Variants in ADGRL2 observed in about 807,000 individuals in gnomAD.
ADGRL2 encodes adhesion G protein-coupled receptor L2, also known as calcium-independent alpha-latrotoxin receptor 2.
A neutral mutation model predicts 157.4 loss-of-function variants in ADGRL2; 44 were observed. The observed-to-expected ratio is 0.28, with a 90% CI of 0.22 to 0.36. The LOEUF (loss-of-function observed/expected upper bound fraction) is 0.36, where lower values mean the gene tolerates loss of function less well. Ranked by LOEUF, ADGRL2 falls within the 10% of genes least tolerant of loss-of-function variation. ADGRL2 has a pLI of 1.00. For missense variants in ADGRL2, 1,510 were observed against 1,768.9 expected, an observed-to-expected ratio of 0.85 and a Z score of 2.63; for synonymous variants, 585 against 624.7, an observed-to-expected ratio of 0.94 and a Z score of 0.95.
At chr1:81,705,777 A>C (rs2149051695) in intron 1 of ADGRL2, among the ~76,000 whole-genome samples, 1 of 152,160 alleles carries the variant, frequency 6.6e-6, no homozygotes, top group Admixed American at 6.5e-5. Flanking sequence ...TTAGATAAAC[A>C]TGGTGGTAGT....
At chr1:81,317,222 G>A (rs1264060255) in intron 1 of ADGRL2, among the ~76,000 whole-genome samples, 3 of 152,174 alleles carry the variant, frequency 2.0e-5, no homozygotes, top group Non-Finnish European at 1.5e-5. Flanking sequence ...CAAAATGTCA[G>A]TAGTACCAAG....
At chr1:81,395,195 T>A (rs2076634005) in intron 1 of ADGRL2, among the ~76,000 whole-genome samples, 1 of 152,130 alleles carries the variant, frequency 6.6e-6, no homozygotes, top group South Asian at 2.1e-4. Context: ...ACAGGTGTGA[T>A]ATTTTTTGTC....
chr1:81,392,134 T>C (rs2076570589), intron 1 of ADGRL2, among the ~76,000 whole-genome samples: 1 of 151,814 alleles, frequency 6.6e-6, no homozygotes, highest in South Asian at 2.1e-4. Flanking sequence ...AGGTAAAGGG[T>C]GTTTTGAAAT....
At chr1:81,530,328 C>T (rs562192784) in intron 2 of ADGRL2, among the ~76,000 whole-genome samples, 2 of 152,146 alleles carry the variant, frequency 1.3e-5, no homozygotes, top group South Asian at 4.2e-4. Context: ...AAAAGTATTC[C>T]TGTGATTTTA....
intron 3 of ADGRL2, among the ~76,000 whole-genome samples, chr1:81,688,825 G>A (rs1278696185): frequency 6.6e-6 from 1 of 152,164 alleles, no homozygotes; most frequent in Non-Finnish European, 1.5e-5. Context: ...GTCTAAGGCT[G>A]AAGGCTGTTG....
chr1:81,316,902 G>T (rs1021784341), intron 1 of ADGRL2, among the ~76,000 whole-genome samples: 1 of 152,270 alleles, frequency 6.6e-6, no homozygotes, highest in East Asian at 1.9e-4. Context: ...CATCCACCCC[G>T]ATTTAGGGCA....
At chr1:81,915,190 C>T (rs1399029234) in intron 3 of ADGRL2, among the ~76,000 whole-genome samples, 1 of 152,070 alleles carries the variant, frequency 6.6e-6, no homozygotes, top group Non-Finnish European at 1.5e-5. Flanking sequence ...ATCCTCCCAC[C>T]TCAGTCTCCC....
chr1:81,474,394 CAATA>C (rs2078231552), intron 2 of ADGRL2, among the ~76,000 whole-genome samples: 1 of 152,066 alleles, frequency 6.6e-6, no homozygotes, highest in South Asian at 2.1e-4. Context: ...AGTGGGTGTA[CAATA>C]AATATTGGTT....
chr1:81,415,441 A>G (rs2077016162), intron 1 of ADGRL2, among the ~76,000 whole-genome samples: 1 of 152,228 alleles, frequency 6.6e-6, no homozygotes, highest in Non-Finnish European at 1.5e-5. Flanking sequence ...ATTACAAAAG[A>G]AGCAGGATGT....
intron 1 of ADGRL2, among the ~76,000 whole-genome samples, chr1:81,323,796 C>T (rs1660696683): frequency 6.6e-6 from 1 of 151,960 alleles, no homozygotes; most frequent in Non-Finnish European, 1.5e-5. Context: ...GTGGTCATTC[C>T]AAGCAATGAG....
intron 1 of ADGRL2, among the ~76,000 whole-genome samples, chr1:81,323,385 A>G (rs1390587446): frequency 6.6e-6 from 1 of 150,452 alleles, no homozygotes; most frequent in African/African-American, 2.4e-5. Flanking sequence ...GACCATAGGT[A>G]CGAGCCATTG....
chr1:81,559,637 G>A (rs1320002395), intron 2 of ADGRL2, among the ~76,000 whole-genome samples: 1 of 152,062 alleles, frequency 6.6e-6, no homozygotes, highest in Non-Finnish European at 1.5e-5. Context: ...AGTTATCTAA[G>A]TTTATGTAGA....
At chr1:81,347,612 T>C (rs1662574758) in intron 1 of ADGRL2, among the ~76,000 whole-genome samples, 1 of 152,130 alleles carries the variant, frequency 6.6e-6, no homozygotes, top group Non-Finnish European at 1.5e-5. Context: ...TCCTTATGCT[T>C]ATAATAAAAA....
Position 81,601,113 on chromosome 1 carries a change from G to C in ADGRL2, c.-143+20133G>C, listed in dbSNP as rs570929453. Among the ~76,000 whole-genome samples, 6 of 152,262 alleles carry C rather than the reference G, an allele frequency of 3.9e-5. No homozygotes were observed. In the South Asian group the frequency reaches 8.3e-4, roughly 21 times the overall value. ...CTTGGCGCAGTGCAGAGCTGAGCAG[G>C]ATGATTTATAAACCTCAACACATTG... On this transcript the variant is annotated intron_variant, in intron 3 of 24. Transcript: ENST00000370721.
chr1:81,658,842 C>A (rs893352649), intron 3 of ADGRL2, among the ~76,000 whole-genome samples: 6 of 151,896 alleles, frequency 4.0e-5, no homozygotes, highest in Non-Finnish European at 5.9e-5. Context: ...ACCTCTGCCT[C>A]CCGGGTTGAT....
intron 2 of ADGRL2, among the ~76,000 whole-genome samples, chr1:81,838,954 T>A (rs952633332): frequency 6.6e-6 from 1 of 151,974 alleles, no homozygotes; most frequent in African/African-American, 2.4e-5. Flanking sequence ...TGTAAGAGTA[T>A]ACATAGTTAA....
intron 2 of ADGRL2, among the ~76,000 whole-genome samples, chr1:81,571,849 C>T (rs1040403365): frequency 6.6e-6 from 1 of 152,110 alleles, no homozygotes; most frequent in Admixed American, 6.6e-5. Flanking sequence ...AGAATAGGCA[C>T]TCGACACATA....
chr1:81,318,023 A>G (rs1260654346), intron 1 of ADGRL2, among the ~76,000 whole-genome samples: 1 of 152,152 alleles, frequency 6.6e-6, no homozygotes, highest in Non-Finnish European at 1.5e-5. Context: ...TAAATTTTTC[A>G]AGCTCTGACT....
At chr1:81,391,568 T>C (rs2101132353) in intron 1 of ADGRL2, among the ~76,000 whole-genome samples, 1 of 152,288 alleles carries the variant, frequency 6.6e-6, no homozygotes, top group Non-Finnish European at 1.5e-5. Context: ...GGATTTATCT[T>C]TCTATTTGTA....
Sources: allele counts gnomAD v4.1 joint callset (sites outside exome capture counted in the v4.1 genomes callset), GRCh38; gene constraint gnomAD v4.1.1; transcripts MANE v1.5; gene names NCBI Gene and HGNC (gene_info 2026-07-23, HGNC 2026-07-21).